DOCK2: variants seen among roughly 807,000 people sequenced by gnomAD.
DOCK2 encodes the protein dedicator of cytokinesis protein 2.
Under a neutral mutation model 248.9 loss-of-function variants are expected in DOCK2, and 87 were observed. The ratio of observed to expected loss-of-function variants is 0.35; its 90% confidence interval spans 0.29 to 0.42. DOCK2 has a LOEUF of 0.42. Among genes scored for constraint, DOCK2 ranks in the 10% least tolerant of loss-of-function variants. The probability of loss-of-function intolerance (pLI) is 1.00; values close to 1 mark genes in which losing one functional copy is unlikely to be tolerated. For missense variants in DOCK2, 1,747 were observed against 2,300.2 expected (o/e 0.76, Z 4.92); for synonymous variants, 805 against 821.6 (o/e 0.98, Z 0.35).
intron 2 of DOCK2, among the ~76,000 whole-genome samples, chr5:169,662,308 A>G (rs1421682169): frequency 3.3e-5 from 5 of 152,146 alleles, no homozygotes; most frequent in Non-Finnish European, 7.4e-5. Context: ...TAATCAAGTT[A>G]TTTATTTTTA....
intron 27 of DOCK2, among the ~76,000 whole-genome samples, chr5:169,871,442 A>T (rs767217896): frequency 1.3e-5 from 2 of 152,214 alleles, no homozygotes; most frequent in Non-Finnish European, 2.9e-5. Context: ...TGTGCTAGAC[A>T]CTATGCTACA....
chr5:169,796,818 A>G (rs1766683314), intron 25 of DOCK2, among the ~76,000 whole-genome samples: 1 of 152,208 alleles, frequency 6.6e-6, no homozygotes, highest in South Asian at 2.1e-4. Flanking sequence ...ACATGCAAAA[A>G]TTCAGGAGAA....
Position 169,909,801 on chromosome 5 carries a change from G to T in DOCK2, c.2799+68949G>T, listed in dbSNP as rs553699681. 2.3e-4 allele frequency among the ~76,000 whole-genome samples: 35 copies of T among 152,278 alleles called. No individual in the cohort carries two copies. The South Asian group carries it at 7.1e-3, about 31-fold the overall frequency. On this transcript the variant is annotated intron_variant, in intron 27 of 51. Transcript: ENST00000520908. Reference sequence around the variant, plus strand: ...CACTTACAAGGATTATTATCATCCAGATTTGGAACTTCTAGAATGGTCTGA... The same window carrying T: ...CACTTACAAGGATTATTATCATCCATATTTGGAACTTCTAGAATGGTCTGA...
rs913698662 is a variant in DOCK2, at chr5:169,771,303, C to T, written c.2554+9678C>T. Among the ~76,000 whole-genome samples the T allele has an allele frequency of 3.7e-4, 57 of 152,272 alleles. 1 individual carries two copies. Among genetic ancestry groups the T allele is most frequent in the African/African-American group, 1.2e-3 (49 of 41,542 alleles). On this transcript the variant is annotated intron_variant, in intron 25 of 51. Coordinates refer to ENST00000520908, the MANE Select transcript of DOCK2 (RefSeq NM_004946.3). ...CTGTTTTTCTTTTTTCTTTTTGAGA[C>T]GGAGTCTCGCTCTGTCGCCCAGGCT... is the stretch of plus-strand genomic sequence containing the variant.
At position 169,809,314 on chromosome 5, in the gene DOCK2, A is replaced by C. The variant is rs139935983; in HGVS notation, c.2703+6108A>C. ...CCAGGTTTTGATGTTTTTGTTCACA[A>C]CTTAGACATCAGTTGGGAGGCTTTT... On this transcript the variant is annotated intron_variant, in intron 26 of 51. Coordinates refer to ENST00000520908, the MANE Select transcript of DOCK2 (RefSeq NM_004946.3). Among the ~76,000 whole-genome samples, 882 of 152,216 alleles carry C rather than the reference A, an allele frequency of 5.8e-3. 9 individuals carry two copies. Among genetic ancestry groups the C allele is most frequent in the South Asian group, 0.052 (252 of 4,816 alleles).
rs145107816 is a variant in DOCK2, at chr5:169,780,892, C to T, written c.2554+19267C>T. On this transcript the variant is annotated intron_variant, in intron 25 of 51. Transcript: ENST00000520908. ...AACTTAAAATATCACCATAAAATAT[C>T]GCCATACTTCTAAATAAAGACCAAA... Among the ~76,000 whole-genome samples, 689 of 152,246 alleles carry T rather than the reference C, an allele frequency of 4.5e-3. 6 individuals carry two copies. Among genetic ancestry groups the T allele is most frequent in the African/African-American group, 0.016 (666 of 41,524 alleles).
intron 46 of DOCK2, 49 bp downstream of exon 46, chr5:170,069,269 C>G (rs375768452): frequency 3.4e-5 from 54 of 1,595,070 alleles, no homozygotes; most frequent in East Asian, 1.4e-4. Context: ...TCCTCTCCCC[C>G]CACCGTGGTT....
intron 27 of DOCK2, among the ~76,000 whole-genome samples, chr5:169,961,309 A>T (rs1777076723): frequency 1.3e-5 from 2 of 152,236 alleles, no homozygotes; most frequent in Non-Finnish European, 2.9e-5. Context: ...ATTAAGATGA[A>T]TGGAATATAA....
intron 25 of DOCK2, among the ~76,000 whole-genome samples, chr5:169,791,867 T>C (rs972478044): frequency 5.3e-5 from 8 of 152,178 alleles, no homozygotes; most frequent in South Asian, 2.1e-4. Flanking sequence ...CTCTCACAAT[T>C]AATATTCCAC....
intron 38 of DOCK2, among the ~76,000 whole-genome samples, chr5:170,043,418 C>T (rs11744375): frequency 0.6 from 91,504 of 152,062 alleles, 29,132 homozygotes; most frequent in African/African-American, 0.82. Flanking sequence ...GCTTCCTCTC[C>T]CAAGCCTTTC....
intron 33 of DOCK2, among the ~76,000 whole-genome samples, chr5:170,021,318 C>T (rs1755718047): frequency 6.6e-6 from 1 of 152,214 alleles, no homozygotes; most frequent in Non-Finnish European, 1.5e-5. Context: ...AGGGCACACG[C>T]CATGAGACGA....
Position 169,674,311 on chromosome 5 carries a change from G to A in DOCK2, c.336G>A (p.Glu112=), listed in dbSNP as rs1157044248. ...WKQLYVASKK[E]RFLQVQSMMY... ...TTGTCTCCTAGGCCAGCAAAAAGGA[G>A]CGTTTTCTCCAGGTGCAGTCCATGA... The change falls in exon 6 of 52, where the codon GAG becomes GAA. Residue 112 remains glutamate (E), a synonymous_variant. Coordinates refer to ENST00000520908, the MANE Select transcript of DOCK2 (RefSeq NM_004946.3). 6.2e-7 allele frequency: 1 copy of A among 1,613,962 alleles called. No individual in the cohort carries two copies. The highest frequency in any genetic ancestry group is 1.3e-5 in the African/African-American group (1 of 74,900).
Position 169,702,417 on chromosome 5 carries a change from A to G in DOCK2, c.1373A>G (p.Lys458Arg), listed in dbSNP as rs1761025709. Residue 458 changes from lysine to arginine, a missense_variant, in exon 14 of 52, where the codon AAA (lysine) becomes AGA (arginine). Physicochemically the swap from Lys to Arg is conservative, Grantham distance 26. This residue lies in a region of DOCK2 where 858 missense variants were observed against 1,183.5 expected (regional missense o/e 0.72). Coordinates refer to ENST00000520908, the MANE Select transcript of DOCK2 (RefSeq NM_004946.3). ...VIMCVCAEDG[K>R]TLPNAICVGA... The stretch of plus-strand genomic sequence containing the variant: ...ATGTGTGTGTGCGCGGAGGATGGCA[A>G]AACGCTGCCTGTAAGGGACTCACTG... 6.2e-7 allele frequency: 1 copy of G among 1,613,888 alleles called. No individual in the cohort carries two copies. Among genetic ancestry groups the G allele is most frequent in the Non-Finnish European group, 8.5e-7 (1 of 1,179,852 alleles).
intron 27 of DOCK2, among the ~76,000 whole-genome samples, chr5:169,866,579 G>A (rs1416111114): frequency 6.6e-6 from 1 of 152,200 alleles, no homozygotes; most frequent in Non-Finnish European, 1.5e-5. Flanking sequence ...GCTGAGGAAG[G>A]AATGGTAGGC....
chr5:169,806,670 A>G (rs555556906), intron 26 of DOCK2, among the ~76,000 whole-genome samples: 2 of 152,278 alleles, frequency 1.3e-5, no homozygotes, highest in South Asian at 4.1e-4. Flanking sequence ...TTGGTTTTCT[A>G]CACTGTCATG....
At chr5:169,843,268 T>C (rs1770095940) in intron 27 of DOCK2, among the ~76,000 whole-genome samples, 1 of 152,200 alleles carries the variant, frequency 6.6e-6, no homozygotes. Context: ...GCTCTAGCTG[T>C]GACCGCTCCC....
At chr5:169,916,503 C>G (rs1774882512) in intron 27 of DOCK2, among the ~76,000 whole-genome samples, 1 of 152,212 alleles carries the variant, frequency 6.6e-6, no homozygotes, top group Non-Finnish European at 1.5e-5. Flanking sequence ...AGAATTGGAA[C>G]CATGGCTCTG....
chr5:170,061,595 G>A (rs1757329918), intron 44 of DOCK2, among the ~76,000 whole-genome samples: 1 of 152,214 alleles, frequency 6.6e-6, no homozygotes, highest in African/African-American at 2.4e-5. Flanking sequence ...GTAATGACCT[G>A]AAAGTTACAT....
intron 26 of DOCK2, among the ~76,000 whole-genome samples, chr5:169,825,217 C>T (rs1486978337): frequency 6.6e-6 from 1 of 152,138 alleles, no homozygotes; most frequent in Admixed American, 6.5e-5. Flanking sequence ...TTTGGCGATT[C>T]CTCAGGGATC....
Sources: gnomAD v4.1 joint callset for allele counts (sites outside exome capture counted in the v4.1 genomes callset) on GRCh38, gnomAD v4.1.1 for gene constraint, gnomAD v4.1.1 regional missense constraint, MANE v1.5 for transcripts, NCBI Gene and HGNC (gene_info 2026-07-23, HGNC 2026-07-21) for gene names.